The following TBC1D15 variants were observed in gnomAD, a reference collection of about 807,000 sequenced individuals.
The protein encoded by TBC1D15 is GAP for RAB7.
Under a neutral mutation model 95.4 loss-of-function variants are expected in TBC1D15, and 39 were observed. The ratio of observed to expected loss-of-function variants is 0.41; its 90% confidence interval spans 0.32 to 0.53. The LOEUF (loss-of-function observed/expected upper bound fraction) is 0.53, where lower values mean the gene tolerates loss of function less well. Ranked by LOEUF, TBC1D15 falls within the 20% of genes least tolerant of loss-of-function variation. TBC1D15 has a pLI of 0.29. For missense variants in TBC1D15, 733 were observed against 794.3 expected, an observed-to-expected ratio of 0.92 and a Z score of 0.93; for synonymous variants, 258 against 261.3, an observed-to-expected ratio of 0.99 and a Z score of 0.12.
intron 4 of TBC1D15, among the ~76,000 whole-genome samples, chr12:71,881,713 C>T (rs1001418655): frequency 1.5e-4 from 23 of 151,832 alleles, no homozygotes; most frequent in Non-Finnish European, 2.8e-4. Flanking sequence ...GTCAGGAGAT[C>T]GAGATCACCA....
At chr12:71,903,691 A>C (rs1353156396) in intron 10 of TBC1D15, among the ~76,000 whole-genome samples, 1 of 152,262 alleles carries the variant, frequency 6.6e-6, no homozygotes, top group Non-Finnish European at 1.5e-5. Flanking sequence ...AGCCATAATA[A>C]AGAGATCGTA....
chr12:71,886,640 A>G (rs1447944391), intron 5 of TBC1D15, among the ~76,000 whole-genome samples: 1 of 152,158 alleles, frequency 6.6e-6, no homozygotes, highest in Non-Finnish European at 1.5e-5. Context: ...CTGCCATGTT[A>G]ATCACCTCTA....
chr12:71,907,009 T>C lies in TBC1D15; in HGVS notation c.1184-13T>C. On this transcript the variant is annotated splice_polypyrimidine_tract_variant and intron_variant, in intron 10 of 16. Transcript: ENST00000485960. ...TGGAAGCTTTTCAAATATGTGATGA[T>C]TTTCCTCTTCAGAAAAAGATGTTAA... The C allele has an allele frequency of 6.5e-7, 1 of 1,544,154 alleles. No homozygotes were observed. Among genetic ancestry groups the C allele is most frequent in the Non-Finnish European group, 8.8e-7 (1 of 1,131,686 alleles).
At chr12:71,897,783 A>T (rs372092219) in intron 9 of TBC1D15, 64 bp from the exon 10 acceptor site, 4 of 1,239,268 alleles carry the variant, frequency 3.2e-6, no homozygotes, top group Non-Finnish European at 4.7e-6. Context: ...GAAAAACCCA[A>T]TTAAACAGTG....
chr12:71,861,544 ATGT>A (rs1890366581), intron 1 of TBC1D15: 1 of 1,438,480 alleles, frequency 7.0e-7, no homozygotes, highest in Non-Finnish European at 9.2e-7. Flanking sequence ...GTATGTTTTA[ATGT>A]ATAGTTTTTA....
intron 10 of TBC1D15, among the ~76,000 whole-genome samples, chr12:71,904,650 A>G (rs1336676468): frequency 6.6e-6 from 1 of 152,150 alleles, no homozygotes; most frequent in Non-Finnish European, 1.5e-5. Flanking sequence ...CCACAGAGTT[A>G]TGGAAACTCA....
At chr12:71,863,528 T>A (rs753545021) in intron 1 of TBC1D15, among the ~76,000 whole-genome samples, 2 of 152,226 alleles carry the variant, frequency 1.3e-5, no homozygotes, top group Non-Finnish European at 2.9e-5. Context: ...TTAGGTTGAA[T>A]CTATTTGGGG....
At chr12:71,916,542 A>AT (rs968155178) in intron 12 of TBC1D15, among the ~76,000 whole-genome samples, 2 of 152,152 alleles carry the variant, frequency 1.3e-5, no homozygotes, top group Non-Finnish European at 2.9e-5. Flanking sequence ...ATAGACTTAA[A>AT]TTTTTTTTAA....
At chr12:71,855,649 C>A in intron 1 of TBC1D15, among the ~76,000 whole-genome samples, 1 of 114,868 alleles carries the variant, frequency 8.7e-6, no homozygotes, top group Admixed American at 1.3e-4. Context: ...GCCTGGGTGA[C>A]AGAGCGAGAC....
At chr12:71,902,612 A>C (rs1358424503) in intron 10 of TBC1D15, among the ~76,000 whole-genome samples, 1 of 152,164 alleles carries the variant, frequency 6.6e-6, no homozygotes, top group Non-Finnish European at 1.5e-5. Flanking sequence ...TAAAACCTGA[A>C]ACTATAAAGA....
intron 1 of TBC1D15, among the ~76,000 whole-genome samples, chr12:71,843,067 T>C (rs1246202543): frequency 8.6e-5 from 13 of 152,010 alleles, no homozygotes; most frequent in Non-Finnish European, 8.8e-5. Context: ...GGTGGATTAC[T>C]TGAGGTCGGG....
intron 1 of TBC1D15, among the ~76,000 whole-genome samples, chr12:71,858,229 C>T (rs1298222172): frequency 4.6e-5 from 7 of 151,990 alleles, no homozygotes; most frequent in African/African-American, 7.3e-5. Flanking sequence ...TGTACCACCA[C>T]GCATGGCTTA....
intron 1 of TBC1D15, among the ~76,000 whole-genome samples, chr12:71,857,837 A>G (rs190984757): frequency 4.6e-5 from 7 of 152,254 alleles, no homozygotes; most frequent in African/African-American, 1.4e-4. Flanking sequence ...ACCTTTGTCT[A>G]TTCCCCTTTC....
intron 12 of TBC1D15, among the ~76,000 whole-genome samples, chr12:71,914,843 CT>C (rs1409341231): frequency 2.6e-5 from 4 of 151,816 alleles, no homozygotes; most frequent in Non-Finnish European, 1.5e-5. Flanking sequence ...CTCCTTTTTT[CT>C]TTACTTCTAT....
At chr12:71,884,743 GGA>G in intron 4 of TBC1D15, 66 bp from the exon 5 acceptor site, 2 of 1,463,678 alleles carry the variant, frequency 1.4e-6, no homozygotes, top group Non-Finnish European at 1.9e-6. Context: ...AGGCAGTCAT[GGA>G]GAGCACTGTC....
intron 1 of TBC1D15, among the ~76,000 whole-genome samples, chr12:71,841,728 T>C (rs1459556929): frequency 6.6e-6 from 1 of 152,202 alleles, no homozygotes; most frequent in Non-Finnish European, 1.5e-5. Flanking sequence ...TTACTCCTTT[T>C]CTACAGTCTC....
intron 10 of TBC1D15, 104 bp downstream of exon 10, chr12:71,898,045 A>G: frequency 1.3e-6 from 1 of 782,770 alleles, no homozygotes. Context: ...AGGGCTCAAA[A>G]GAGAAATCAG....
intron 1 of TBC1D15, among the ~76,000 whole-genome samples, chr12:71,848,986 T>C (rs1169987659): frequency 6.6e-6 from 1 of 152,166 alleles, no homozygotes; most frequent in Non-Finnish European, 1.5e-5. Flanking sequence ...TTGCAGGAAA[T>C]AGAATTTTGG....
chr12:71,893,191 T>C, intron 5 of TBC1D15, 31 bp from the exon 6 acceptor site: 2 of 1,399,238 alleles, frequency 1.4e-6, no homozygotes, highest in Non-Finnish European at 9.9e-7. Context: ...AGTGTGTTAG[T>C]ATTTTCTACA....
Sources: allele counts gnomAD v4.1 joint callset (sites outside exome capture counted in the v4.1 genomes callset), GRCh38; gene constraint gnomAD v4.1.1; transcripts MANE v1.5; gene names NCBI Gene and HGNC (gene_info 2026-07-23, HGNC 2026-07-21).